Variants in LPGAT1 observed in about 807,000 individuals in gnomAD.
LPGAT1 encodes lysophosphatidylglycerol acyltransferase 1, also known as acyl-CoA:lysophosphatidylglycerol acyltransferase 1.
A neutral mutation model predicts 47.5 loss-of-function variants in LPGAT1; 11 were observed. The ratio of observed to expected loss-of-function variants is 0.23; its 90% CI spans 0.15 to 0.38. LPGAT1 has a LOEUF of 0.38. LPGAT1 is among the 10% of genes least tolerant of loss of function. LPGAT1 has a pLI of 1.00. For synonymous variants in LPGAT1, 138 were observed against 144.2 expected (o/e 0.96, Z 0.31); for missense variants, 293 against 439.0 (o/e 0.67, Z 2.97).
chr1:211,819,215 C>G (rs1215404439), intron 2 of LPGAT1, among the ~76,000 whole-genome samples: 1 of 152,084 alleles, frequency 6.6e-6, no homozygotes, highest in Admixed American at 6.5e-5. Flanking sequence ...AATCCCAGGC[C>G]GGGTGCGGTG....
At chr1:211,789,897 T>A (rs928004212) in intron 3 of LPGAT1, among the ~76,000 whole-genome samples, 4 of 150,666 alleles carry the variant, frequency 2.7e-5, no homozygotes, top group Admixed American at 2.0e-4. Context: ...ACCAACACTT[T>A]CAGAAAACAC....
chr1:211,762,427 G>GC (rs1657737069), intron 6 of LPGAT1, among the ~76,000 whole-genome samples: 7 of 152,186 alleles, frequency 4.6e-5, no homozygotes, highest in Admixed American at 4.6e-4. Flanking sequence ...TTAGGAGACA[G>GC]CCAGGAGGGC....
intron 2 of LPGAT1, among the ~76,000 whole-genome samples, chr1:211,806,850 T>C (rs1659781515): frequency 1.3e-5 from 2 of 152,272 alleles, no homozygotes; most frequent in East Asian, 1.9e-4. Flanking sequence ...TATTTAGTAG[T>C]ATTTAGAATG....
Position 211,830,527 on chromosome 1 carries a change from G to GGGC in LPGAT1, c.-28+45_-28+46insGCC. The GGGC allele has an allele frequency of 8.3e-7, 1 of 1,200,942 alleles. No individual in the cohort carries two copies. Among genetic ancestry groups the GGGC allele is most frequent in the Non-Finnish European group, 1.0e-6 (1 of 967,726 alleles). 74.4% of individuals were successfully genotyped at this position (1,200,942 alleles called of 1,614,324 possible). On this transcript the variant is annotated intron_variant, in intron 1 of 7. Transcript: ENST00000366997. The surrounding 1 kb of genome is among the most constrained non-coding windows in gnomAD (Gnocchi z 5.9). ...CGCCCCCAGCGCCTCCCCTGGCCCG[G>GGGC]CTCCGCTGCCGCTCTGGGGCCTGCG... is the stretch of plus-strand genomic sequence containing the variant.
chr1:211,757,363 C>T (rs1366329525), intron 6 of LPGAT1, among the ~76,000 whole-genome samples: 1 of 152,084 alleles, frequency 6.6e-6, no homozygotes, highest in African/African-American at 2.4e-5. Flanking sequence ...TGACTTACTT[C>T]CCTTGTGTTT....
Position 211,824,416 on chromosome 1 carries a change from T to C in LPGAT1, c.238+4643A>G, listed in dbSNP as rs374100401. ...CTCACAAAAAAATAAAAAAGGATCATTCAAGAACTAGACACTTACTGAGTA... is the reference window on the plus strand; with the variant it reads ...CTCACAAAAAAATAAAAAAGGATCACTCAAGAACTAGACACTTACTGAGTA... On this transcript the variant is annotated intron_variant, in intron 2 of 7. Coordinates refer to ENST00000366997, the MANE Select transcript of LPGAT1 (RefSeq NM_014873.3). 5.9e-5 allele frequency among the ~76,000 whole-genome samples: 9 copies of C among 152,162 alleles called. No individual in the cohort carries two copies. The South Asian group carries it at 6.2e-4, about 11-fold the overall frequency.
At chr1:211,797,316 T>TC (rs201677833) in intron 2 of LPGAT1, among the ~76,000 whole-genome samples, 3,315 of 147,674 alleles carry the variant, frequency 0.022, 132 homozygotes, top group African/African-American at 0.077. Flanking sequence ...CTTTTCTTTT[T>TC]TTTTTTTTTT....
rs762454353 is a variant in LPGAT1, at chr1:211,829,218, C to T, written c.79G>A (p.Val27Ile). Residue 27 changes from valine to isoleucine, a missense_variant, in exon 2 of 8, where the codon GTC becomes ATC. By Grantham distance (29) the Val-to-Ile change is conservative. Transcript: ENST00000366997. ...GATGGAATAGCAACCAGGTTGTTGA[C>T]GACCATGAAGGCAAACCTCATCAGT... ...KALMRFAFMV[V>I]NNLVAIPSYI... The T allele has an allele frequency of 1.2e-5, 20 of 1,614,036 alleles. No individual in the cohort carries two copies. The highest frequency in any genetic ancestry group is 1.6e-4 in the Middle Eastern group (1 of 6,084).
intron 4 of LPGAT1, among the ~76,000 whole-genome samples, chr1:211,786,492 A>G (rs997564865): frequency 5.9e-5 from 9 of 152,244 alleles, no homozygotes; most frequent in African/African-American, 1.7e-4. Context: ...TCAGTTATCC[A>G]TTCTGGTGAA....
At chr1:211,770,628 CAATT>C (rs558148544) in intron 6 of LPGAT1, among the ~76,000 whole-genome samples, 118 of 152,230 alleles carry the variant, frequency 7.8e-4, no homozygotes, top group South Asian at 1.5e-3. Context: ...TGCCATAGCA[CAATT>C]ACTTTATTTT....
chr1:211,796,385 G>A (rs530693098), intron 2 of LPGAT1, among the ~76,000 whole-genome samples: 1 of 152,216 alleles, frequency 6.6e-6, no homozygotes, highest in South Asian at 2.1e-4. Flanking sequence ...GACACACAGG[G>A]AGACCACCAC....
intron 5 of LPGAT1, among the ~76,000 whole-genome samples, chr1:211,780,396 A>C (rs943647985): frequency 2.0e-5 from 3 of 152,154 alleles, no homozygotes; most frequent in Non-Finnish European, 4.4e-5. Flanking sequence ...GGTGAGCGAG[A>C]ACTGAGAGGG....
intron 6 of LPGAT1, among the ~76,000 whole-genome samples, chr1:211,756,093 C>T (rs115968224): frequency 0.025 from 3,810 of 152,016 alleles, 68 homozygotes; most frequent in Non-Finnish European, 0.037. Flanking sequence ...AAAACTAGCC[C>T]GGCATAGTGG....
At chr1:211,787,502 A>T (rs1201877756) in intron 4 of LPGAT1, 130 bp downstream of exon 4, 1 of 432,312 alleles carries the variant, frequency 2.3e-6, no homozygotes, top group East Asian at 4.0e-5. Flanking sequence ...AAAAAAAAAA[A>T]AAAAAAAGCT....
Position 211,820,665 on chromosome 1 carries a change from C to T in LPGAT1, c.238+8394G>A, listed in dbSNP as rs118184309. Reference sequence around the variant, plus strand: ...ATGAAAGAAACAAACAAATGAAAAACGGTTTAAAAGGATTAAAGGAAAAAT... The same window carrying T: ...ATGAAAGAAACAAACAAATGAAAAATGGTTTAAAAGGATTAAAGGAAAAAT... On this transcript the variant is annotated intron_variant, in intron 2 of 7. Coordinates refer to ENST00000366997, the MANE Select transcript of LPGAT1 (RefSeq NM_014873.3). Among the ~76,000 whole-genome samples the T allele has an allele frequency of 4.2e-4, 63 of 151,422 alleles. No homozygotes were observed. The East Asian group carries it at 6.6e-3, about 16-fold the overall frequency.
At chr1:211,798,289 A>G (rs974343838) in intron 2 of LPGAT1, among the ~76,000 whole-genome samples, 1 of 152,224 alleles carries the variant, frequency 6.6e-6, no homozygotes, top group Non-Finnish European at 1.5e-5. Context: ...TGACAGTACC[A>G]TAGAGATCCT....
intron 2 of LPGAT1, among the ~76,000 whole-genome samples, chr1:211,801,822 G>A (rs1558275905): frequency 6.6e-6 from 1 of 151,758 alleles, no homozygotes; most frequent in Non-Finnish European, 1.5e-5. Context: ...GCTCACTCCT[G>A]TAATCCCAGC....
chr1:211,808,172 C>T (rs1659833435), intron 2 of LPGAT1, among the ~76,000 whole-genome samples: 1 of 151,892 alleles, frequency 6.6e-6, no homozygotes, highest in African/African-American at 2.4e-5. Context: ...ATGGAGAAAC[C>T]CCGTCTCTAC....
intron 4 of LPGAT1, among the ~76,000 whole-genome samples, chr1:211,785,492 C>G (rs879562275): frequency 6.6e-6 from 1 of 151,638 alleles, no homozygotes; most frequent in Non-Finnish European, 1.5e-5. Context: ...CCAGAAACTT[C>G]GAAATATAAT....
Sources: allele counts gnomAD v4.1 joint callset (sites outside exome capture counted in the v4.1 genomes callset), GRCh38; gene constraint gnomAD v4.1.1; non-coding constraint Gnocchi (gnomAD v3.1); transcripts MANE v1.5; gene names NCBI Gene and HGNC (gene_info 2026-07-23, HGNC 2026-07-21).